The following APMAP variants were observed in gnomAD, a reference collection of about 807,000 sequenced individuals.
APMAP encodes adipocyte plasma membrane associated protein, also known as adipocyte plasma membrane-associated protein.
APMAP carries 33 observed loss-of-function variants against 43.6 expected under a neutral mutation model. The ratio of observed to expected loss-of-function variants is 0.76; its 90% CI spans 0.57 to 1.01. APMAP has a LOEUF of 1.01. Among genes scored for constraint, APMAP ranks in the 50% least tolerant of loss-of-function variants. The pLI is 0.00. For missense variants in APMAP, 498 were observed against 540.7 expected (o/e 0.92, Z 0.78); for synonymous variants, 224 against 216.7 (o/e 1.03, Z -0.30).
At chr20:24,979,014 AGGGTT>A in intron 2 of APMAP, 132 bp from the exon 3 acceptor site, 6 of 669,968 alleles carry the variant, frequency 9.0e-6, no homozygotes, top group Middle Eastern at 2.9e-4. Context: ...CAGAAATACA[AGGGTT>A]AAGAAAAAAC....
At chr20:24,980,424 C>T (rs1182804281) in intron 2 of APMAP, among the ~76,000 whole-genome samples, 3 of 152,226 alleles carry the variant, frequency 2.0e-5, no homozygotes, top group Non-Finnish European at 2.9e-5. Flanking sequence ...CTGCCAGCTT[C>T]GCTCGGCCTC....
chr20:24,992,732 G>A lies in APMAP; in HGVS notation c.-44C>T, dbSNP rs981561149. 117 of 1,409,702 alleles carry A rather than the reference G, an allele frequency of 8.3e-5. No homozygotes were observed. The highest frequency in any genetic ancestry group is 1.1e-4 in the Non-Finnish European group (112 of 1,064,128). The allele number at this position is 1,409,702 out of a possible 1,614,324, so 87.3% of individuals were successfully genotyped here. A position where few individuals can be genotyped will look rare whatever the true frequency, so the allele number is the denominator to read the frequency against. On this transcript the variant is annotated 5_prime_UTR_variant, in exon 1 of 9. Transcript: ENST00000217456. ...ACCCGCAGAAACCACCTCACACTGA[G>A]CGGCGCCGGCTCAGACTCCAGGCCC...
At chr20:24,980,957 C>A (rs1276578749) in intron 2 of APMAP, among the ~76,000 whole-genome samples, 1 of 152,336 alleles carries the variant, frequency 6.6e-6, no homozygotes, top group African/African-American at 2.4e-5. Context: ...AGCTGATGGA[C>A]GGGTGTTTGG....
intron 1 of APMAP, among the ~76,000 whole-genome samples, chr20:24,988,419 A>G (rs1395875946): frequency 6.6e-6 from 1 of 152,172 alleles, no homozygotes; most frequent in African/African-American, 2.4e-5. Context: ...TTATGTCCCA[A>G]ACAAAAAGTC....
At position 24,988,107 on chromosome 20, in the gene APMAP, A is replaced by G. The variant is rs557212855; in HGVS notation, c.96-4088T>C. Among the ~76,000 whole-genome samples the G allele has an allele frequency of 2.4e-3, 359 of 152,332 alleles. 1 individual carries two copies. The highest frequency in any genetic ancestry group is 8.5e-3 in the African/African-American group (352 of 41,584). Reference sequence around the variant, plus strand: ...GGACTGCCTGCCTTAAAGGAAGCTGATGCCATCACCCACCCCACTCCCAGG... The same window carrying G: ...GGACTGCCTGCCTTAAAGGAAGCTGGTGCCATCACCCACCCCACTCCCAGG... On this transcript the variant is annotated intron_variant, in intron 1 of 8. Coordinates refer to ENST00000217456, the MANE Select transcript of APMAP (RefSeq NM_020531.3).
intron 5 of APMAP, among the ~76,000 whole-genome samples, chr20:24,970,925 C>G (rs1802305518): frequency 6.6e-6 from 1 of 152,182 alleles, no homozygotes; most frequent in South Asian, 2.1e-4. Flanking sequence ...CCCCAAGCAG[C>G]TGGGCTGCAG....
intron 2 of APMAP, among the ~76,000 whole-genome samples, chr20:24,979,707 C>T (rs1045878633): frequency 6.6e-6 from 1 of 152,162 alleles, no homozygotes; most frequent in Non-Finnish European, 1.5e-5. Flanking sequence ...TCATGACCTT[C>T]CTCTATTCAG....
intron 8 of APMAP, chr20:24,964,316 A>G (rs1477411856): frequency 6.8e-6 from 4 of 588,960 alleles, no homozygotes; most frequent in Non-Finnish European, 1.3e-5. Flanking sequence ...TGAGAGAGAC[A>G]TATCACATCC....
At chr20:24,989,772 T>TAC (rs1286527584) in intron 1 of APMAP, among the ~76,000 whole-genome samples, 1 of 152,104 alleles carries the variant, frequency 6.6e-6, no homozygotes, top group Admixed American at 6.5e-5. Flanking sequence ...CATCTGAAAA[T>TAC]ACACACCTGG....
At chr20:24,979,938 C>G (rs534929495) in intron 2 of APMAP, among the ~76,000 whole-genome samples, 2 of 152,302 alleles carry the variant, frequency 1.3e-5, no homozygotes, top group East Asian at 3.9e-4. Flanking sequence ...ATCCCCCACC[C>G]AGGAGGCCCA....
At chr20:24,991,670 A>G (rs1282157249) in intron 1 of APMAP, among the ~76,000 whole-genome samples, 1 of 152,178 alleles carries the variant, frequency 6.6e-6, no homozygotes, top group Admixed American at 6.5e-5. Context: ...TATTTCCAGT[A>G]TTTCTATCAA....
At chr20:24,980,399 C>G (rs139370077) in intron 2 of APMAP, among the ~76,000 whole-genome samples, 2 of 152,252 alleles carry the variant, frequency 1.3e-5, no homozygotes, top group African/African-American at 4.8e-5. Context: ...TGCCATGCTA[C>G]GATGACAAGC....
At chr20:24,973,108 T>C (rs1282767521) in intron 4 of APMAP, among the ~76,000 whole-genome samples, 1 of 152,228 alleles carries the variant, frequency 6.6e-6, no homozygotes, top group Non-Finnish European at 1.5e-5. Context: ...TACATCACTT[T>C]AATAAAAACA....
chr20:24,971,464 C>T lies in APMAP; in HGVS notation c.534G>A (p.Trp178Ter), dbSNP rs746407755. 6.2e-7 allele frequency: 1 copy of T among 1,612,580 alleles called. No homozygotes were observed. Among genetic ancestry groups the T allele is most frequent in the African/African-American group, 1.3e-5 (1 of 75,024 alleles). Residue 178 changes from tryptophan (W) to a stop codon, truncating the protein, a stop_gained, in exon 5 of 9, where the codon TGG becomes TGA. Transcript: ENST00000217456. LOFTEE classifies it high-confidence loss of function. ...AYKGLFEVNP[W>*]KREVKLLLSS... ...AAACGAGATATTGTCACATACGTTT[C>T]CAGGGATTTACTTCAAATAGTCCCT...
chr20:24,972,472 G>T (rs1233356779), intron 4 of APMAP, among the ~76,000 whole-genome samples: 1 of 151,314 alleles, frequency 6.6e-6, no homozygotes, highest in Non-Finnish European at 1.5e-5. Context: ...TGGTCACTGT[G>T]GGGTGCTCAC....
chr20:24,971,686 A>G (rs113216600), intron 4 of APMAP, 110 bp from the exon 5 acceptor site: 7 of 885,124 alleles, frequency 7.9e-6, no homozygotes, highest in African/African-American at 6.7e-5. Context: ...GCTGTACAGA[A>G]CAAGACAAGA....
chr20:24,963,828 GCTGAGT>G lies in APMAP; in HGVS notation c.1230_1235del (p.Arg410_Leu411del). ...TCTGGGAGGGCTAAACAGCCTGGAG[GCTGAGT>G]CTGCAGAGGAAGGGGGACCTGAAAG... On this transcript the variant is annotated inframe_deletion, in exon 9 of 9. Transcript: ENST00000217456. 6.2e-7 allele frequency: 1 copy of G among 1,614,172 alleles called. No homozygotes were observed. Among genetic ancestry groups the G allele is most frequent in the Non-Finnish European group, 8.5e-7 (1 of 1,180,020 alleles).
intron 1 of APMAP, among the ~76,000 whole-genome samples, chr20:24,985,822 A>G (rs1205407815): frequency 6.7e-6 from 1 of 149,576 alleles, no homozygotes; most frequent in Non-Finnish European, 1.5e-5. Context: ...GGAAGAGGGG[A>G]GCATAGCAGG....
intron 2 of APMAP, among the ~76,000 whole-genome samples, chr20:24,982,676 C>T (rs929196349): frequency 1.3e-5 from 2 of 152,308 alleles, no homozygotes; most frequent in Middle Eastern, 3.4e-3. Flanking sequence ...ACCCAAGCTT[C>T]TAATCCCCAG....
Sources: gnomAD v4.1 joint callset for allele counts (sites outside exome capture counted in the v4.1 genomes callset) on GRCh38, gnomAD v4.1.1 for gene constraint, MANE v1.5 for transcripts, NCBI Gene and HGNC (gene_info 2026-07-23, HGNC 2026-07-21) for gene names.